CELSR1: variants seen among roughly 807,000 people sequenced by gnomAD.
The protein encoded by CELSR1 is adhesion G protein-coupled receptor C1.
Under a neutral mutation model 249.1 loss-of-function variants are expected in CELSR1, and 110 were observed. The observed-to-expected ratio is 0.44, with a 90% CI of 0.38 to 0.52. The LOEUF (loss-of-function observed/expected upper bound fraction) is 0.52. Ranked by LOEUF, CELSR1 falls within the 20% of genes least tolerant of loss-of-function variation. The pLI, the probability that CELSR1 is intolerant of heterozygous loss-of-function variation, is 0.00. For missense variants in CELSR1, 4,109 were observed against 4,296.4 expected, an observed-to-expected ratio of 0.96 and a Z score of 1.22; for synonymous variants, 2,113 against 1,900.0, an observed-to-expected ratio of 1.11 and a Z score of -2.92.
In CELSR1 at chr22:46,364,139, C is replaced by T. The variant is rs375507061; in HGVS notation, c.8892G>A (p.Ser2964=). ...CGCCAGAGCCCAGGGAAGACGTGCG[C>T]GAGGATGTGGGGCTCTGCTCACAGT... The part of the protein sequence containing the change: ...LADCEQSPTS[S]RTSSLGSGGP... Residue 2964 remains serine (S), a synonymous_variant, in exon 34 of 35, where the codon TCG becomes TCA. Coordinates refer to ENST00000674500, the MANE Select transcript of CELSR1 (RefSeq NM_001378328.1). The T allele has an allele frequency of 3.7e-5, 59 of 1,607,532 alleles. No individual in the cohort carries two copies. Among genetic ancestry groups the T allele is most frequent in the Middle Eastern group, 3.3e-4 (2 of 6,070 alleles).
At chr22:46,532,399 G>A (rs185184360) in intron 1 of CELSR1, among the ~76,000 whole-genome samples, 7 of 152,288 alleles carry the variant, frequency 4.6e-5, no homozygotes, top group East Asian at 3.9e-4. Context: ...AAAATTGTGC[G>A]GAAGGTTTGT....
At chr22:46,478,683 C>T (rs1422368441) in intron 1 of CELSR1, among the ~76,000 whole-genome samples, 3 of 151,202 alleles carry the variant, frequency 2.0e-5, no homozygotes, top group South Asian at 2.1e-4. Flanking sequence ...GCTGGGATTA[C>T]AGGTGCGTGC....
rs114118871 is a variant in CELSR1 at position 46,445,774 on chromosome 22, C to G, written c.4184-6363G>C. Among the ~76,000 whole-genome samples, 1 of 152,172 alleles carries G rather than the reference C, an allele frequency of 6.6e-6. No individual in the cohort carries two copies. The highest frequency in any genetic ancestry group is 1.5e-5 in the Non-Finnish European group (1 of 68,020). ...GCCTGGCTGGCAGAGCCTTTCCCGTCGATGCTTCGGAGGTGGAAGCGTCCA... is the reference window on the plus strand; with the variant it reads ...GCCTGGCTGGCAGAGCCTTTCCCGTGGATGCTTCGGAGGTGGAAGCGTCCA... On this transcript the variant is annotated intron_variant, in intron 2 of 34. Coordinates refer to ENST00000674500, the MANE Select transcript of CELSR1 (RefSeq NM_001378328.1). This position sits in a 1 kb window ranked among gnomAD's most constrained non-coding sequence, Gnocchi z 4.4.
chr22:46,445,196 C>G lies in CELSR1; in HGVS notation c.4184-5785G>C, dbSNP rs2147496221. Among the ~76,000 whole-genome samples, 1 of 150,362 alleles carries G rather than the reference C, an allele frequency of 6.7e-6. No individual in the cohort carries two copies. The highest frequency in any genetic ancestry group is 3.6e-3 in the Middle Eastern group (1 of 274). ...GGGTGACAAGAGCGAAACTCCACCT[C>G]AAAAATAAAAAATAAGGCTGGGTGT... On this transcript the variant is annotated intron_variant, in intron 2 of 34. Transcript: ENST00000674500. The surrounding 1 kb of genome is among the most constrained non-coding windows in gnomAD (Gnocchi z 4.4).
chr22:46,397,744 G>A lies in CELSR1; in HGVS notation c.5631C>T (p.Thr1877=), dbSNP rs1320340865. ...KDGCDVDDPC[T]SSPCPPNSRC... ...GGCTATTGGGGGGACAGGGGCTCGA[G>A]GTACAGGGGTCGTCCACATCACAGC... is the stretch of plus-strand genomic sequence containing the variant. Residue 1877 remains threonine, a synonymous_variant, in exon 12 of 35, where the codon ACC becomes ACT. Coordinates refer to ENST00000674500, the MANE Select transcript of CELSR1 (RefSeq NM_001378328.1). 2 of 1,592,750 alleles carry A rather than the reference G, an allele frequency of 1.3e-6. No homozygotes were observed. The highest frequency in any genetic ancestry group is 1.1e-5 in the South Asian group (1 of 87,524).
chr22:46,388,883 A>G lies in CELSR1; in HGVS notation c.6555+407T>C, dbSNP rs180818544. Among the ~76,000 whole-genome samples, 4 of 152,332 alleles carry G rather than the reference A, an allele frequency of 2.6e-5. No individual in the cohort carries two copies. The East Asian group carries it at 7.7e-4, about 29-fold the overall frequency. ...GGCCCACTGCCGGGCCCTGCCCCTTACAAGCTGTGCCTTTGGGCAAACGCC... is the reference window on the plus strand; with the variant it reads ...GGCCCACTGCCGGGCCCTGCCCCTTGCAAGCTGTGCCTTTGGGCAAACGCC... On this transcript the variant is annotated intron_variant, in intron 18 of 34. Transcript: ENST00000674500.
chr22:46,485,499 G>T (rs1477981609), intron 1 of CELSR1, among the ~76,000 whole-genome samples: 1 of 152,238 alleles, frequency 6.6e-6, no homozygotes, highest in Non-Finnish European at 1.5e-5. Context: ...GAGGCTGCAT[G>T]CGGGGCCGCC....
intron 2 of CELSR1, among the ~76,000 whole-genome samples, chr22:46,456,493 ACTAAAAAAAAAT>A (rs2079952084): frequency 6.6e-6 from 1 of 151,932 alleles, no homozygotes; most frequent in Non-Finnish European, 1.5e-5. Flanking sequence ...CCCCGTCTCT[ACTAAAAAAAAAT>A]ACAAAAAGTT....
rs1422496769 is a variant in CELSR1, at chr22:46,445,795, G to A, written c.4184-6384C>T. Among the ~76,000 whole-genome samples, 2 of 152,124 alleles carry A rather than the reference G, an allele frequency of 1.3e-5. No individual in the cohort carries two copies. The highest frequency in any genetic ancestry group is 4.8e-5 in the African/African-American group (2 of 41,430). ...CCGTCGATGCTTCGGAGGTGGAAGCGTCCAGGACTCCCCGGGTGCTGTTCT... is the reference window on the plus strand; with the variant it reads ...CCGTCGATGCTTCGGAGGTGGAAGCATCCAGGACTCCCCGGGTGCTGTTCT... On this transcript the variant is annotated intron_variant, in intron 2 of 34. Coordinates refer to ENST00000674500, the MANE Select transcript of CELSR1 (RefSeq NM_001378328.1). The surrounding 1 kb of genome is among the most constrained non-coding windows in gnomAD (Gnocchi z 4.4).
chr22:46,514,302 G>A (rs1411537396), intron 1 of CELSR1, among the ~76,000 whole-genome samples: 1 of 152,144 alleles, frequency 6.6e-6, no homozygotes, highest in African/African-American at 2.4e-5. Context: ...ACTCACAATG[G>A]AGCCGGCATT....
rs947609714 is a variant in CELSR1, at chr22:46,512,724, C to T, written c.3544+20903G>A. 1.3e-5 allele frequency among the ~76,000 whole-genome samples: 2 copies of T among 152,226 alleles called. No individual in the cohort carries two copies. Among genetic ancestry groups the T allele is most frequent in the African/African-American group, 4.8e-5 (2 of 41,456 alleles). ...AGTCAACCCTTCTTGTCACGGGGAT[C>T]AGGCACAGCTCCTGCTTATAGAGGG... is the stretch of plus-strand genomic sequence containing the variant. On this transcript the variant is annotated intron_variant, in intron 1 of 34. Transcript: ENST00000674500. This position sits in a 1 kb window ranked among gnomAD's most constrained non-coding sequence, Gnocchi z 5.2.
chr22:46,398,914 CG>C lies in CELSR1; in HGVS notation c.5413-278del, dbSNP rs1451471597. On this transcript the variant is annotated intron_variant, in intron 10 of 34. Transcript: ENST00000674500. This position sits in a 1 kb window ranked among gnomAD's most constrained non-coding sequence, Gnocchi z 7.2. ...TCAACGTGGGCAACTGTCCCGCCTC[CG>C]TCAAGGGCACAACACTAAACCAGCC... 4.6e-5 allele frequency among the ~76,000 whole-genome samples: 7 copies of C among 152,176 alleles called. No homozygotes were observed. Among genetic ancestry groups the C allele is most frequent in the Non-Finnish European group, 7.3e-5 (5 of 68,040 alleles).
intron 1 of CELSR1, among the ~76,000 whole-genome samples, chr22:46,516,278 T>C (rs2080626847): frequency 6.6e-6 from 1 of 152,082 alleles, no homozygotes; most frequent in African/African-American, 2.4e-5. Flanking sequence ...TATGCAGCCA[T>C]AAAAAATGAT....
rs772065518 is a variant in CELSR1, at chr22:46,463,835, G to A, written c.4055C>T (p.Pro1352Leu). 2.5e-5 allele frequency: 40 copies of A among 1,611,970 alleles called. No individual in the cohort carries two copies. Among genetic ancestry groups the A allele is most frequent in the African/African-American group, 1.5e-4 (11 of 74,920 alleles). The change falls in exon 2 of 35, where the codon CCG (proline) becomes CTG (leucine). Residue 1352 changes from proline to leucine, a missense_variant. Physicochemically the swap from Pro to Leu is moderately conservative, Grantham distance 98. Around this residue, in one of 7 missense-constraint regions of CELSR1, gnomAD observed 141 missense variants for 209.4 expected, o/e 0.67. Coordinates refer to ENST00000674500, the MANE Select transcript of CELSR1 (RefSeq NM_001378328.1). ...GCAGTAGTCGCCGGTGAAGCCGGGC[G>A]GGCAGCGGCAGCGCAGGCCGTTGAT... ...HPINGLRCRC[P>L]PGFTGDYCET... is the part of the protein sequence containing the mutation.
rs1376894993 is a variant in CELSR1, at chr22:46,367,066, T to G, written c.8132A>C (p.His2711Pro). 1.2e-6 allele frequency: 2 copies of G among 1,611,490 alleles called. No individual in the cohort carries two copies. Among genetic ancestry groups the G allele is most frequent in the Non-Finnish European group, 1.7e-6 (2 of 1,179,690 alleles). Residue 2711 changes from histidine (H) to proline (P), a missense_variant, in exon 29 of 35, where the codon CAC becomes CCC. By Grantham distance (77) the His-to-Pro change is moderately conservative. Coordinates refer to ENST00000674500, the MANE Select transcript of CELSR1 (RefSeq NM_001378328.1). The stretch of plus-strand genomic sequence containing the variant: ...CCTCCCGCCGAGCACGCCCTTCAGG[T>G]GCTTCCGGACCTCCTGGTTGAGCAC... ...HCVLNQEVRK[H>P]LKGVLGGRKL...
chr22:46,486,417 G>A (rs1356905452), intron 1 of CELSR1, among the ~76,000 whole-genome samples: 10 of 151,850 alleles, frequency 6.6e-5, no homozygotes, highest in Admixed American at 2.0e-4. Flanking sequence ...GCGTGGTGGT[G>A]GGCGCCTGTA....
intron 18 of CELSR1, among the ~76,000 whole-genome samples, 199 bp from the exon 19 acceptor site, chr22:46,386,784 G>A (rs12158339): frequency 0.062 from 9,416 of 151,992 alleles, 338 homozygotes; most frequent in African/African-American, 0.076. Context: ...ACACACTTCC[G>A]CTCTTGTCGC....
Position 46,381,982 on chromosome 22 carries a change from C to T in CELSR1, c.6952G>A (p.Glu2318Lys), listed in dbSNP as rs1054833438. The T allele has an allele frequency of 1.1e-5, 17 of 1,565,582 alleles. 1 individual carries two copies. The highest frequency in any genetic ancestry group is 9.5e-5 in the East Asian group (4 of 41,952). Residue 2318 changes from glutamate to lysine, a missense_variant, in exon 21 of 35, where the codon GAG becomes AAG. Physicochemically the swap from Glu to Lys is moderately conservative, Grantham distance 56 (BLOSUM62 1). This residue lies in a region of CELSR1 where 1,805 missense variants were observed against 1,831.6 expected (regional missense o/e 0.99). Transcript: ENST00000674500. This position sits in a 1 kb window ranked among gnomAD's most constrained non-coding sequence, Gnocchi z 6.0. ...PQTTRPGPGT[E>K]REAPISRRRR... ...CGCCTGCTGATCGGGGCCTCCCTCT[C>T]GGTGCCAGGCCCCGGGCGCGTGGTC... is the stretch of plus-strand genomic sequence containing the variant.
intron 1 of CELSR1, among the ~76,000 whole-genome samples, chr22:46,520,872 A>G (rs2080678380): frequency 1.3e-5 from 2 of 152,036 alleles, no homozygotes; most frequent in Admixed American, 6.5e-5. Flanking sequence ...CTCTGTCCCC[A>G]TTAAACGCAA....
Sources: allele counts gnomAD v4.1 joint callset (sites outside exome capture counted in the v4.1 genomes callset), GRCh38; gene constraint gnomAD v4.1.1; regional missense constraint gnomAD v4.1.1; non-coding constraint Gnocchi (gnomAD v3.1); transcripts MANE v1.5; gene names NCBI Gene and HGNC (gene_info 2026-07-23, HGNC 2026-07-21).